The following MERTK variants were observed in gnomAD, a reference collection of about 807,000 sequenced individuals.
MERTK encodes MER proto-oncogene, tyrosine kinase.
In MERTK, 69 loss-of-function variants were observed where a neutral mutation model predicts 99.3. The ratio of observed to expected loss-of-function variants is 0.70; its 90% CI spans 0.57 to 0.85. MERTK has a LOEUF of 0.85. Among genes scored for constraint, MERTK ranks in the 40% least tolerant of loss-of-function variants. The probability of loss-of-function intolerance (pLI) is 0.00; values close to 1 mark genes in which losing one functional copy is unlikely to be tolerated. For missense variants in MERTK, 1,125 were observed against 1,249.4 expected, an observed-to-expected ratio of 0.90 and a Z score of 1.50; for synonymous variants, 426 against 467.6, an observed-to-expected ratio of 0.91 and a Z score of 1.15.
chr2:112,022,220 A>T, intron 17 of MERTK, 38 bp from the exon 18 acceptor site: 1 of 1,614,154 alleles, frequency 6.2e-7, no homozygotes, highest in Non-Finnish European at 8.5e-7. Context: ...GCTTTGTGGA[A>T]AGGCTTGCAT....
intron 6 of MERTK, among the ~76,000 whole-genome samples, chr2:111,971,430 A>AT (rs200705161): frequency 0.018 from 2,670 of 150,514 alleles, 61 homozygotes; most frequent in African/African-American, 0.054. Flanking sequence ...TTTTATATAT[A>AT]AAAAAAAATA....
intron 1 of MERTK, among the ~76,000 whole-genome samples, chr2:111,909,060 A>G (rs551561539): frequency 2.8e-4 from 42 of 152,362 alleles, no homozygotes; most frequent in African/African-American, 9.9e-4. Flanking sequence ...ATGTAAACCA[A>G]AATTACAACC....
At chr2:111,911,846 A>G (rs1454057367) in intron 1 of MERTK, among the ~76,000 whole-genome samples, 1 of 151,616 alleles carries the variant, frequency 6.6e-6, no homozygotes, top group African/African-American at 2.4e-5. Context: ...ATGCCAACAC[A>G]GCCAGCTGTT....
At chr2:111,943,411 T>A (rs755042315) in intron 2 of MERTK, among the ~76,000 whole-genome samples, 1 of 152,180 alleles carries the variant, frequency 6.6e-6, no homozygotes, top group Non-Finnish European at 1.5e-5. Flanking sequence ...CGGTGGCTCA[T>A]GGCTGTAATC....
chr2:112,000,753 A>G (rs897324488), intron 10 of MERTK, among the ~76,000 whole-genome samples: 4 of 152,198 alleles, frequency 2.6e-5, no homozygotes, highest in African/African-American at 4.8e-5. Context: ...GTCACTATGC[A>G]TAGCCCATAT....
intron 8 of MERTK, among the ~76,000 whole-genome samples, chr2:111,989,227 G>C (rs1024611518): frequency 6.6e-6 from 1 of 152,138 alleles, no homozygotes; most frequent in Non-Finnish European, 1.5e-5. Context: ...GTTTTGTGTT[G>C]ATGCCTGTGA....
At chr2:111,950,738 C>T (rs564851414) in intron 4 of MERTK, among the ~76,000 whole-genome samples, 1 of 152,166 alleles carries the variant, frequency 6.6e-6, no homozygotes, top group East Asian at 1.9e-4. Context: ...GGTGAAGCGT[C>T]ACTTCAGGTC....
At chr2:111,962,656 C>T (rs905175358) in intron 4 of MERTK, among the ~76,000 whole-genome samples, 2 of 152,170 alleles carry the variant, frequency 1.3e-5, no homozygotes, top group Admixed American at 6.5e-5. Flanking sequence ...TGAACCAATA[C>T]GGATACATCA....
At chr2:111,913,229 A>T (rs1684285270) in intron 1 of MERTK, among the ~76,000 whole-genome samples, 1 of 152,204 alleles carries the variant, frequency 6.6e-6, no homozygotes, top group Non-Finnish European at 1.5e-5. Context: ...TTTGGGGAGA[A>T]TTGATATTTT....
At chr2:111,960,504 AAAG>A (rs199607481) in intron 4 of MERTK, among the ~76,000 whole-genome samples, 8,056 of 150,580 alleles carry the variant, frequency 0.053, 323 homozygotes, top group South Asian at 0.18. Flanking sequence ...AAAAAAAAGA[AAAG>A]AAAATTCCAA....
intron 8 of MERTK, among the ~76,000 whole-genome samples, chr2:111,992,157 G>A (rs995234768): frequency 1.3e-5 from 2 of 152,106 alleles, no homozygotes; most frequent in South Asian, 4.1e-4. Flanking sequence ...AAGGAGCCAC[G>A]CACAGAGAGG....
chr2:112,028,930 A>C lies in MERTK; in HGVS notation c.*66A>C. Reference sequence around the variant, plus strand: ...TTCTGCTGTAGGAGAATCCAATTGTACCTGATGTTTTTGGTATTTGTCTTC... The same window carrying C: ...TTCTGCTGTAGGAGAATCCAATTGTCCCTGATGTTTTTGGTATTTGTCTTC... On this transcript the variant is annotated 3_prime_UTR_variant, in exon 19 of 19. Transcript: ENST00000295408. 1.2e-6 allele frequency: 2 copies of C among 1,606,926 alleles called. No individual in the cohort carries two copies. Among genetic ancestry groups the C allele is most frequent in the Non-Finnish European group, 1.7e-6 (2 of 1,177,478 alleles).
At chr2:111,930,223 T>G (rs2104687655) in intron 2 of MERTK, 1 of 152,494 alleles carries the variant, frequency 6.6e-6, no homozygotes, top group East Asian at 1.9e-4. Context: ...TTTTAAACAG[T>G]GCAATTGCTT....
chr2:111,940,091 T>C (rs1684834171), intron 2 of MERTK, among the ~76,000 whole-genome samples: 2 of 146,590 alleles, frequency 1.4e-5, no homozygotes, highest in South Asian at 2.3e-4. Flanking sequence ...GCCCAGGTCC[T>C]CTTTCTTGGC....
At chr2:111,964,065 A>G (rs1304815967) in intron 4 of MERTK, among the ~76,000 whole-genome samples, 2 of 32,974 alleles carry the variant, frequency 6.1e-5, no homozygotes, top group African/African-American at 2.1e-4. Context: ...TGCTCTTTCC[A>G]TAATGTACTT....
At chr2:111,929,603 T>TTTATTTATTTATTTAC in intron 2 of MERTK, 63 bp downstream of exon 2, 3 of 1,270,114 alleles carry the variant, frequency 2.4e-6, no homozygotes, top group East Asian at 2.6e-5. Flanking sequence ...TATTTACTTA[T>TTTATTTATTTATTTAC]TGAGACAGAG....
chr2:111,980,481 C>T (rs1161181271), intron 7 of MERTK, among the ~76,000 whole-genome samples: 5 of 146,542 alleles, frequency 3.4e-5, no homozygotes, highest in Admixed American at 2.1e-4. Flanking sequence ...TGCAGTGGCA[C>T]AATCTCGGCT....
intron 18 of MERTK, chr2:112,026,019 A>G (rs868749091): frequency 1.3e-5 from 2 of 153,126 alleles, no homozygotes; most frequent in African/African-American, 4.8e-5. Context: ...CTCAGCAGAA[A>G]AATAAAAATG....
At position 111,975,462 on chromosome 2, in the gene MERTK, G is replaced by T. The variant is rs150487517; in HGVS notation, c.1134G>T (p.Thr378=). ...SAVSPWILAS[T]TEGAPSVAPL... is the part of the protein sequence containing the mutation. ...TGAGCCCTTGGATTCTAGCCAGCAC[G>T]ACTGAAGGAGGTAATTCCTGGGGTT... The change falls in exon 7 of 19, where the codon ACG becomes ACT. Residue 378 remains threonine (T), a synonymous_variant. Coordinates refer to ENST00000295408, the MANE Select transcript of MERTK (RefSeq NM_006343.3). 5.6e-6 allele frequency: 9 copies of T among 1,613,952 alleles called. No homozygotes were observed. The highest frequency in any genetic ancestry group is 1.6e-4 in the Middle Eastern group (1 of 6,082).
Sources: gnomAD v4.1 joint callset for allele counts (sites outside exome capture counted in the v4.1 genomes callset) on GRCh38, gnomAD v4.1.1 for gene constraint, MANE v1.5 for transcripts, NCBI Gene and HGNC (gene_info 2026-07-23, HGNC 2026-07-21) for gene names.